Variants in LIMA1 observed in about 807,000 individuals in gnomAD.
LIMA1 encodes LIM domain and actin binding 1, also known as LIM domain and actin-binding protein 1.
LIMA1 carries 52 observed loss-of-function variants against 62.6 expected under a neutral mutation model. The observed-to-expected ratio is 0.83, with a 90% confidence interval of 0.67 to 1.05. The LOEUF is 1.05. Among genes scored for constraint, LIMA1 ranks in the 50% least tolerant of loss-of-function variants. LIMA1 has a pLI of 0.00. For synonymous variants in LIMA1, 302 were observed against 317.8 expected (o/e 0.95, Z 0.53); for missense variants, 780 against 902.2 (o/e 0.86, Z 1.74).
intron 1 of LIMA1, among the ~76,000 whole-genome samples, chr12:50,273,488 C>T (rs1313260316): frequency 6.6e-6 from 1 of 151,546 alleles, no homozygotes; most frequent in African/African-American, 2.4e-5. Flanking sequence ...AGGATAAAAG[C>T]AAAAGTACTT....
intron 7 of LIMA1, chr12:50,196,139 T>G (rs990239915): frequency 4.4e-5 from 18 of 411,122 alleles, no homozygotes; most frequent in African/African-American, 2.7e-4. Context: ...CTGCCAAAAG[T>G]GTGCATCATC....
Position 50,243,967 on chromosome 12 carries a change from T to G in LIMA1, c.119+4666A>C, listed in dbSNP as rs1592550321. Among the ~76,000 whole-genome samples the G allele has an allele frequency of 4.6e-5, 7 of 152,112 alleles. 1 individual carries two copies. The highest frequency in any genetic ancestry group is 4.6e-4 in the Admixed American group (7 of 15,278). On this transcript the variant is annotated intron_variant, in intron 2 of 10. Transcript: ENST00000341247. The stretch of plus-strand genomic sequence containing the variant: ...TCTCACTCTGTTGCCCAGGCTGGAG[T>G]GCAGTGGCATGATCTTGGCTCACCA...
chr12:50,204,633 G>T lies in LIMA1; in HGVS notation c.783C>A (p.Arg261=). 1 of 1,614,190 alleles carries T rather than the reference G, an allele frequency of 6.2e-7. No homozygotes were observed. The highest frequency in any genetic ancestry group is 8.5e-7 in the Non-Finnish European group (1 of 1,180,008). The change falls in exon 6 of 11, where the codon CGC becomes CGA. Residue 261 remains arginine (R), a synonymous_variant. Transcript: ENST00000341247. The part of the protein sequence containing the change: ...NESRRNLELP[R]LSETSIKDRM... ...GATCCTTTATAGAGGTTTCTGAGAG[G>T]CGTGGAAGTTCCAGATTTCGTCTAC... is the stretch of plus-strand genomic sequence containing the variant.
intron 9 of LIMA1, among the ~76,000 whole-genome samples, chr12:50,182,704 A>G (rs999717234): frequency 9.9e-5 from 15 of 152,210 alleles, no homozygotes; most frequent in Non-Finnish European, 2.1e-4. Flanking sequence ...CTAAAAACCA[A>G]TGGAGAGAAA....
intron 9 of LIMA1, chr12:50,185,499 C>T (rs1940610485): frequency 1.5e-5 from 7 of 455,902 alleles, no homozygotes; most frequent in South Asian, 6.2e-5. Flanking sequence ...TTTGGCGTGC[C>T]CTGGAGAGCT....
intron 3 of LIMA1, among the ~76,000 whole-genome samples, chr12:50,223,274 G>A (rs1941477889): frequency 6.6e-6 from 1 of 151,616 alleles, no homozygotes; most frequent in South Asian, 2.1e-4. Flanking sequence ...CACAAGGTCA[G>A]GAGTTTGAGA....
intron 9 of LIMA1, chr12:50,190,008 CCA>C (rs1491567446): frequency 3.5e-5 from 4 of 113,868 alleles, no homozygotes; most frequent in African/African-American, 1.3e-4. Context: ...CCATGCCTGG[CCA>C]ATTTTTTTTT....
At position 50,243,797 on chromosome 12, in the gene LIMA1, C is replaced by A. The variant is rs73301474; in HGVS notation, c.119+4836G>T. On this transcript the variant is annotated intron_variant, in intron 2 of 10. Coordinates refer to ENST00000341247, the MANE Select transcript of LIMA1 (RefSeq NM_016357.5). ...GAAAAATATGTGACAGGAACAAACT[C>A]AAATATTAACTTCAGCAGGTTACTT... Among the ~76,000 whole-genome samples the A allele has an allele frequency of 8.4e-3, 1,285 of 152,304 alleles. 22 individuals are homozygous for A. Among genetic ancestry groups the A allele is most frequent in the African/African-American group, 0.029 (1,214 of 41,554 alleles).
intron 1 of LIMA1, among the ~76,000 whole-genome samples, chr12:50,278,792 T>C (rs1018393682): frequency 6.6e-6 from 1 of 152,064 alleles, no homozygotes; most frequent in Non-Finnish European, 1.5e-5. Context: ...TGAAAAATAA[T>C]ATAAAGCAAA....
chr12:50,264,694 T>C (rs911235192), intron 1 of LIMA1, among the ~76,000 whole-genome samples: 5 of 152,222 alleles, frequency 3.3e-5, no homozygotes, highest in Non-Finnish European at 5.9e-5. Flanking sequence ...AGCACATTGC[T>C]TGAGGTCAGA....
At chr12:50,231,760 C>A (rs530570291) in intron 2 of LIMA1, 50 bp from the exon 3 acceptor site, 2 of 1,552,594 alleles carry the variant, frequency 1.3e-6, no homozygotes, top group Non-Finnish European at 8.9e-7. Flanking sequence ...TATATTTTTA[C>A]TCTTTCAATT....
chr12:50,193,485 A>C (rs891741008), intron 8 of LIMA1, among the ~76,000 whole-genome samples: 6 of 138,750 alleles, frequency 4.3e-5, no homozygotes, highest in African/African-American at 1.7e-4. Flanking sequence ...ATATATATAT[A>C]GTATATATAT....
chr12:50,193,637 TG>T, intron 8 of LIMA1, among the ~76,000 whole-genome samples: 1 of 83,136 alleles, frequency 1.2e-5, no homozygotes, highest in Non-Finnish European at 2.3e-5. Flanking sequence ...TATACGTGTG[TG>T]TGTGTGTGTG....
chr12:50,248,599 C>T (rs772011138), intron 2 of LIMA1, 34 bp downstream of exon 2: 1 of 1,314,336 alleles, frequency 7.6e-7, no homozygotes. Context: ...GTGCTCCAGA[C>T]AGATGGTCCT....
At chr12:50,254,546 A>C (rs1941968949) in intron 1 of LIMA1, among the ~76,000 whole-genome samples, 1 of 152,090 alleles carries the variant, frequency 6.6e-6, no homozygotes, top group Admixed American at 6.6e-5. Context: ...TGGGCCACTA[A>C]ATTGTCCTAG....
At chr12:50,249,146 T>C (rs1287755076) in intron 1 of LIMA1, among the ~76,000 whole-genome samples, 1 of 152,122 alleles carries the variant, frequency 6.6e-6, no homozygotes, top group Non-Finnish European at 1.5e-5. Flanking sequence ...AGGTCCAAAT[T>C]AGTTTCTACC....
intron 1 of LIMA1, 124 bp from the exon 2 acceptor site, chr12:50,248,898 C>T (rs1420398220): frequency 8.1e-6 from 5 of 614,038 alleles, no homozygotes; most frequent in Non-Finnish European, 1.5e-5. Context: ...CTCCCCCAAA[C>T]TGTGTAACCT....
intron 3 of LIMA1, among the ~76,000 whole-genome samples, chr12:50,227,364 G>A (rs112958692): frequency 0.041 from 6,190 of 149,628 alleles, 175 homozygotes; most frequent in South Asian, 0.088. Context: ...TCAGTCTCCC[G>A]AGTAGCTGGG....
chr12:50,266,986 C>T (rs1942146606), intron 1 of LIMA1, among the ~76,000 whole-genome samples: 2 of 152,232 alleles, frequency 1.3e-5, no homozygotes, highest in East Asian at 1.9e-4. Flanking sequence ...CCTCTGCCTC[C>T]TGGGTTCCAG....
Sources: gnomAD v4.1 joint callset for allele counts (sites outside exome capture counted in the v4.1 genomes callset) on GRCh38, gnomAD v4.1.1 for gene constraint, MANE v1.5 for transcripts, NCBI Gene and HGNC (gene_info 2026-07-23, HGNC 2026-07-21) for gene names.